The following COL6A5 variants were observed in gnomAD, a reference collection of about 807,000 sequenced individuals.
The protein encoded by COL6A5 is collagen type VI alpha 5 chain.
In COL6A5, 48 loss-of-function variants were observed where a neutral mutation model predicts 65.6. That is an observed-to-expected ratio of 0.73 (90% CI 0.58 to 0.93). The LOEUF (loss-of-function observed/expected upper bound fraction) is 0.93. COL6A5 is among the 40% of genes least tolerant of loss of function. The pLI, the probability that COL6A5 is intolerant of heterozygous loss-of-function variation, is 0.00. For missense variants in COL6A5, 914 were observed against 928.3 expected (o/e 0.98, Z 0.20); for synonymous variants, 291 against 322.8 (o/e 0.90, Z 1.05).
chr3:130,450,379 C>T lies in COL6A5; in HGVS notation c.1333-5076C>T, dbSNP rs991225623. Among the ~76,000 whole-genome samples, 6 of 152,116 alleles carry T rather than the reference C, an allele frequency of 3.9e-5. No homozygotes were observed. The East Asian group carries it at 5.8e-4, about 15-fold the overall frequency. ...GCCATGTGTGTTGAGCCGGCTTGGC[C>T]GCTTGTAAGTTTTCAACAGTGCAAT... On this transcript the variant is annotated intron_variant, in intron 4 of 7. Coordinates refer to ENST00000512836, the Ensembl canonical transcript of COL6A5.
intron 5 of COL6A5, among the ~76,000 whole-genome samples, chr3:130,462,790 C>T (rs556620452): frequency 6.6e-6 from 1 of 152,160 alleles, no homozygotes; most frequent in African/African-American, 2.4e-5. Flanking sequence ...TGGCTTCAAT[C>T]AGAAGGAACA....
chr3:130,406,145 C>T (rs4688761), exon 16 of COL6A5: 1,036,995 of 1,547,310 alleles, frequency 0.67, 362,653 homozygotes, highest in Non-Finnish European at 0.73. Flanking sequence ...GTCATGGAGA[C>T]GATGGGATTG....
rs1934440663 is a variant in COL6A5, at chr3:130,345,794, T to C, written c.-216T>C. On this transcript the variant is annotated 5_prime_UTR_variant and NMD_transcript_variant, in exon 1 of 42. Transcript: ENST00000312481. ...GAGGCGTTCGCTGCGGGAATCCACC[T>C]GCAGCTGTGCGGCGCGGACCAGGGC... 1.8e-5 allele frequency: 7 copies of C among 398,514 alleles called. No homozygotes were observed. In the East Asian group the frequency reaches 2.1e-4, roughly 12 times the overall value. The allele number at this position is 398,514 out of a possible 1,614,324, so 24.7% of individuals were successfully genotyped here.
In COL6A5 at chr3:130,481,055, T is replaced by C. The variant is rs114467507; in HGVS notation, c.2329-2980T>C. ...AGGCTTTCTTTTTCTTTCTTTCTTT[T>C]TTTTTTAATCCTTTAAGTTCTGGGA... On this transcript the variant is annotated intron_variant, in intron 7 of 7. Transcript: ENST00000512836. Among the ~76,000 whole-genome samples, 659 of 152,196 alleles carry C rather than the reference T, an allele frequency of 4.3e-3. 4 individuals are homozygous for C. The highest frequency in any genetic ancestry group is 0.015 in the African/African-American group (633 of 41,542).
exon 7 of COL6A5, chr3:130,391,652 A>G: frequency 6.4e-7 from 1 of 1,551,672 alleles, no homozygotes; most frequent in Non-Finnish European, 8.7e-7. Flanking sequence ...ACTTGAGGGT[A>G]TGGCAGGGAA....
At chr3:130,427,354 A>C (rs567637459), upstream of COL6A5, among the ~76,000 whole-genome samples, 2 of 152,274 alleles carry the variant, frequency 1.3e-5, no homozygotes, top group East Asian at 3.9e-4. Flanking sequence ...GTAAAAGGGG[A>C]AAATCAGAAA....
At chr3:130,470,798 C>T in intron 6 of COL6A5, 73 bp from the exon 39 acceptor site, 5 of 1,116,394 alleles carry the variant, frequency 4.5e-6, no homozygotes, top group Non-Finnish European at 6.7e-6. Flanking sequence ...CACGTGAAAA[C>T]ATGATCTGAC....
chr3:130,457,882 G>A (rs371020087), intron 5 of COL6A5, among the ~76,000 whole-genome samples: 6 of 152,180 alleles, frequency 3.9e-5, no homozygotes, highest in East Asian at 1.9e-4. Flanking sequence ...CAGATGTATG[G>A]CATAAATAAA....
intron 17 of COL6A5, among the ~76,000 whole-genome samples, chr3:130,407,424 T>C (rs1404150263): frequency 6.6e-6 from 1 of 152,212 alleles, no homozygotes; most frequent in East Asian, 1.9e-4. Flanking sequence ...TTAGAAATAT[T>C]ACTTGCAGTA....
intron 5 of COL6A5, among the ~76,000 whole-genome samples, chr3:130,464,331 C>T (rs1218529658): frequency 1.3e-5 from 2 of 151,944 alleles, no homozygotes; most frequent in Non-Finnish European, 2.9e-5. Flanking sequence ...GATGAGTCCA[C>T]TATGTTGCCC....
upstream of COL6A5, chr3:130,429,422 C>A: frequency 1.6e-6 from 1 of 618,682 alleles, no homozygotes; most frequent in East Asian, 3.1e-5. Context: ...TTCCTCAATA[C>A]TTTAACCTTG....
At chr3:130,420,639 A>G (rs1937498129) in intron 25 of COL6A5, among the ~76,000 whole-genome samples, 1 of 152,152 alleles carries the variant, frequency 6.6e-6, no homozygotes, top group Admixed American at 6.6e-5. Flanking sequence ...TTCAAACAGT[A>G]TGTGGATCCA....
At chr3:130,482,101 T>C (rs1277579442) in intron 7 of COL6A5, among the ~76,000 whole-genome samples, 3 of 152,216 alleles carry the variant, frequency 2.0e-5, no homozygotes, top group African/African-American at 7.2e-5. Flanking sequence ...TTTGGTGTTT[T>C]AGTCATGAAG....
At position 130,385,046 on chromosome 3, in the gene COL6A5, C is replaced by T; in HGVS notation, c.1543C>T (p.Leu515=). 2.6e-6 allele frequency: 4 copies of T among 1,550,792 alleles called. No individual in the cohort carries two copies. In the Admixed American group the frequency reaches 5.9e-5, roughly 23 times the overall value. Residue 515 remains leucine, a synonymous_variant and NMD_transcript_variant, in exon 5 of 42, where the codon CTA becomes TTA. Transcript: ENST00000312481. The stretch of plus-strand genomic sequence containing the variant: ...AAAGGCTATTTTTAACATTAAGCAA[C>T]TAACTGGTGGAACTTATACTGGGAA...
intron 1 of COL6A5, among the ~76,000 whole-genome samples, chr3:130,362,310 ATATATATATATATATATTTT>A (rs1202067365): frequency 1.1e-3 from 88 of 76,752 alleles, no homozygotes; most frequent in South Asian, 2.8e-3. Flanking sequence ...ATATATATAT[ATATATATATATATATATTTT>A]TTTTTTTTTT....
intron 7 of COL6A5, 63 bp from the exon 8 acceptor site, chr3:130,394,827 T>G (rs768614587): frequency 2.4e-5 from 30 of 1,254,356 alleles, no homozygotes; most frequent in Middle Eastern, 2.6e-4. Context: ...TTTAAGTATA[T>G]GAGGAAAGGA....
chr3:130,411,653 A>G (rs1403134099), intron 20 of COL6A5, among the ~76,000 whole-genome samples: 1 of 152,182 alleles, frequency 6.6e-6, no homozygotes, highest in Non-Finnish European at 1.5e-5. Context: ...AATGCTATAA[A>G]TTTTAAAGAT....
chr3:130,405,780 G>A (rs1936966940), intron 14 of COL6A5, 121 bp downstream of exon 14: 3 of 950,846 alleles, frequency 3.2e-6, no homozygotes, highest in Admixed American at 2.4e-5. Flanking sequence ...CCTTTCTCCA[G>A]TTATATAGAT....
At chr3:130,362,306 ATATATATATATATATATATATTTTTT>A (rs1462635783) in intron 1 of COL6A5, among the ~76,000 whole-genome samples, 842 of 19,522 alleles carry the variant, frequency 0.043, 26 homozygotes, top group Non-Finnish European at 0.14. Flanking sequence ...ATATATATAT[ATATATATATATATATATATATTTTTT>A]TTTTTTTTTT....
Sources: allele counts gnomAD v4.1 joint callset (sites outside exome capture counted in the v4.1 genomes callset), GRCh38; gene constraint gnomAD v4.1.1; transcripts MANE v1.5; gene names NCBI Gene and HGNC (gene_info 2026-07-23, HGNC 2026-07-21).